The following STK3 variants were observed in gnomAD, a reference collection of about 807,000 sequenced individuals.
STK3 encodes serine/threonine-protein kinase 3.
Under a neutral mutation model 58.0 loss-of-function variants are expected in STK3, and 41 were observed. The observed-to-expected ratio is 0.71, with a 90% confidence interval of 0.55 to 0.92. STK3 has a LOEUF of 0.92. Ranked by LOEUF, STK3 falls within the 40% of genes least tolerant of loss-of-function variation. The pLI is 0.00. For synonymous variants in STK3, 170 were observed against 191.0 expected (o/e 0.89, Z 0.91); for missense variants, 479 against 602.7 (o/e 0.79, Z 2.15).
At chr8:98,429,370 G>A in intron 3 of STK3, 1 of 1,613,910 alleles carries the variant, frequency 6.2e-7, no homozygotes, top group Non-Finnish European at 8.5e-7. Flanking sequence ...AACATGAGCA[G>A]GAGCTCACCA....
chr8:98,718,951 C>T (rs1827215849), intron 4 of STK3, among the ~76,000 whole-genome samples: 1 of 152,012 alleles, frequency 6.6e-6, no homozygotes, highest in African/African-American at 2.4e-5. Context: ...ACTGATGTAT[C>T]CACAATGCTT....
chr8:98,716,502 A>G (rs964438323), intron 4 of STK3, among the ~76,000 whole-genome samples: 1 of 152,116 alleles, frequency 6.6e-6, no homozygotes, highest in African/African-American at 2.4e-5. Flanking sequence ...AATGAAAACT[A>G]CAAAACACTG....
chr8:98,842,937 C>T (rs571348605), intron 3 of STK3, among the ~76,000 whole-genome samples: 11 of 151,988 alleles, frequency 7.2e-5, no homozygotes, highest in South Asian at 4.2e-4. Context: ...AGATTGCTTG[C>T]GCCTGGGACG....
At chr8:98,371,482 T>C (rs534756078) in exon 3 of STK3, 1 of 152,368 alleles carries the variant, frequency 6.6e-6, no homozygotes, top group South Asian at 2.1e-4. Context: ...CGAAAGCACA[T>C]GTTCTTTGTA....
intron 1 of STK3, among the ~76,000 whole-genome samples, chr8:98,816,749 G>A (rs895543834): frequency 1.3e-5 from 2 of 152,066 alleles, no homozygotes; most frequent in African/African-American, 2.4e-5. Context: ...GGTCAGGCTG[G>A]TCTTGATCTC....
intron 3 of STK3, among the ~76,000 whole-genome samples, chr8:98,854,046 C>G (rs1437067883): frequency 6.6e-6 from 1 of 151,852 alleles, no homozygotes; most frequent in Non-Finnish European, 1.5e-5. Flanking sequence ...AAACTATAGA[C>G]CAATATCTCT....
chr8:98,865,177 G>A (rs907567225), intron 3 of STK3, among the ~76,000 whole-genome samples: 1 of 152,132 alleles, frequency 6.6e-6, no homozygotes, highest in Non-Finnish European at 1.5e-5. Flanking sequence ...GACCACTTGA[G>A]ACCAGGAGTT....
At chr8:98,355,011 A>G in the STK3 span, among the ~76,000 whole-genome samples, 93 of 152,248 alleles carry the variant, frequency 6.1e-4, 1 homozygote, top group East Asian at 0.015. Context: ...TCCTAACCTC[A>G]GGTGACCCGC....
At chr8:98,792,450 A>G (rs961817736) in intron 1 of STK3, among the ~76,000 whole-genome samples, 7 of 152,230 alleles carry the variant, frequency 4.6e-5, no homozygotes, top group African/African-American at 1.4e-4. Context: ...TGATCCCGAC[A>G]CTTTGGGAGG....
chr8:98,462,834 T>C (rs1820107792), intron 10 of STK3: 1 of 152,232 alleles, frequency 6.6e-6, no homozygotes, highest in African/African-American at 2.4e-5. Flanking sequence ...GATTTCATCT[T>C]GGTTTAGATC....
intron 9 of STK3, among the ~76,000 whole-genome samples, chr8:98,541,919 A>G (rs910220218): frequency 6.6e-6 from 1 of 152,192 alleles, no homozygotes; most frequent in African/African-American, 2.4e-5. Flanking sequence ...ATGTTCTAGA[A>G]TCCTGCCCAA....
chr8:98,919,052 G>A (rs1215145476), intron 1 of STK3, among the ~76,000 whole-genome samples: 1 of 152,022 alleles, frequency 6.6e-6, no homozygotes, highest in Non-Finnish European at 1.5e-5. Context: ...AGTAGAGAGT[G>A]TTCATAAGCC....
At chr8:98,413,488 G>T in intron 3 of STK3, 1 of 614,016 alleles carries the variant, frequency 1.6e-6, no homozygotes, top group Non-Finnish European at 3.2e-6. Flanking sequence ...TTCAGAATGT[G>T]CCGAAGTCCA....
At chr8:98,406,245 ATTTTATTTTATTT>A (rs1020680095) in intron 3 of STK3, among the ~76,000 whole-genome samples, 2 of 6,762 alleles carry the variant, frequency 3.0e-4, no homozygotes, top group Admixed American at 4.1e-3. Context: ...ATTTTATTTT[ATTTTATTTTATTT>A]TATTTTATTT....
chr8:98,781,848 G>A (rs1261313746), intron 1 of STK3, among the ~76,000 whole-genome samples: 1 of 151,778 alleles, frequency 6.6e-6, no homozygotes, highest in Non-Finnish European at 1.5e-5. Context: ...AACTCATAAA[G>A]AGAAAAATTA....
chr8:98,679,246 A>G (rs1823449206), intron 6 of STK3, among the ~76,000 whole-genome samples: 1 of 152,182 alleles, frequency 6.6e-6, no homozygotes, highest in Admixed American at 6.5e-5. Flanking sequence ...CTAAGCACTG[A>G]TTGTGACCTT....
At chr8:98,807,885 G>A (rs1833984761) in intron 1 of STK3, among the ~76,000 whole-genome samples, 1 of 152,152 alleles carries the variant, frequency 6.6e-6, no homozygotes. Flanking sequence ...AAAGTTTCTG[G>A]TCTTGCCAAA....
chr8:98,558,672 T>A (rs1271336358), intron 8 of STK3, among the ~76,000 whole-genome samples: 2 of 152,220 alleles, frequency 1.3e-5, no homozygotes, highest in East Asian at 3.9e-4. Flanking sequence ...TTTAAAAAGA[T>A]TTTTTTCTTT....
intron 6 of STK3, among the ~76,000 whole-genome samples, chr8:98,610,361 T>C (rs1320870015): frequency 6.6e-6 from 1 of 152,160 alleles, no homozygotes; most frequent in Non-Finnish European, 1.5e-5. Flanking sequence ...GGACAAGAAG[T>C]TCAACACCAT....
Sources: allele counts gnomAD v4.1 joint callset (sites outside exome capture counted in the v4.1 genomes callset), GRCh38; gene constraint gnomAD v4.1.1; transcripts MANE v1.5; gene names NCBI Gene and HGNC (gene_info 2026-07-23, HGNC 2026-07-21).